Variants in HERC2 observed in about 807,000 individuals in gnomAD.
HERC2 encodes the protein HECT and RLD domain containing E3 ubiquitin protein ligase 2, also known as E3 ubiquitin-protein ligase HERC2.
In HERC2, 102 loss-of-function variants were observed where a neutral mutation model predicts 537.7. The ratio of observed to expected loss-of-function variants is 0.19; its 90% CI spans 0.16 to 0.22. HERC2 has a LOEUF of 0.22. Among genes scored for constraint, HERC2 ranks in the 10% least tolerant of loss-of-function variants. The pLI is 1.00. For missense variants in HERC2, 4,236 were observed against 6,198.2 expected, an observed-to-expected ratio of 0.68 and a Z score of 10.63; for synonymous variants, 2,224 against 2,466.2, an observed-to-expected ratio of 0.90 and a Z score of 2.91.
intron 48 of HERC2, 97 bp from the exon 49 acceptor site, chr15:28,198,866 G>A: frequency 8.4e-7 from 1 of 1,184,136 alleles, no homozygotes; most frequent in Non-Finnish European, 1.2e-6. Flanking sequence ...AAAGAATTCT[G>A]ACTGGGCATG....
intron 35 of HERC2, among the ~76,000 whole-genome samples, chr15:28,225,300 T>C (rs1053946396): frequency 1.3e-5 from 2 of 151,542 alleles, no homozygotes; most frequent in African/African-American, 2.4e-5. Context: ...AAGGAAACGA[T>C]AGAGATTAGA....
chr15:28,144,185 C>T lies in HERC2; in HGVS notation c.11191G>A (p.Asp3731Asn). ...AAGTCTAACAGACACGTCACCAAGT[C>T]CATGGATGGACAGGAGAGGACGCAG... ...DRCVLSCPSM[D>N]LVTCLLDFRL... The change falls in exon 73 of 93, where the codon GAC becomes AAC. Residue 3731 changes from aspartate (D) to asparagine (N), a missense_variant. Asp to Asn is a conservative substitution (Grantham distance 23, BLOSUM62 1). This residue lies in a region of HERC2 where 109 missense variants were observed against 133.5 expected (regional missense o/e 0.82). Coordinates refer to ENST00000261609, the MANE Select transcript of HERC2 (RefSeq NM_004667.6). The T allele has an allele frequency of 6.2e-7, 1 of 1,614,200 alleles. No homozygotes were observed. Among genetic ancestry groups the T allele is most frequent in the Non-Finnish European group, 8.5e-7 (1 of 1,180,046 alleles).
chr15:28,313,928 G>A (rs2141292173), intron 2 of HERC2, among the ~76,000 whole-genome samples: 1 of 152,256 alleles, frequency 6.6e-6, no homozygotes, highest in South Asian at 2.1e-4. Context: ...CCTCACACAG[G>A]AGAAAGAGGC....
chr15:28,242,952 T>C (rs540871035), intron 23 of HERC2, among the ~76,000 whole-genome samples: 3 of 152,158 alleles, frequency 2.0e-5, no homozygotes, highest in Non-Finnish European at 4.4e-5. Flanking sequence ...CATCATACTT[T>C]GTGTGTGAAA....
intron 68 of HERC2, among the ~76,000 whole-genome samples, chr15:28,165,278 C>T (rs569203792): frequency 6.6e-6 from 1 of 152,206 alleles, no homozygotes. Flanking sequence ...AAGGTGCCCA[C>T]CACGGAGTGG....
At chr15:28,119,313 T>C (rs1299129174) in intron 86 of HERC2, among the ~76,000 whole-genome samples, 2 of 149,492 alleles carry the variant, frequency 1.3e-5, no homozygotes, top group South Asian at 2.1e-4. Flanking sequence ...GGCAAGAGAA[T>C]TGCTTGAGCC....
Position 28,246,790 on chromosome 15 carries a change from A to AGCT in HERC2, c.3340_3342dup (p.Ser1114dup), listed in dbSNP as rs1903754151. 6.2e-7 allele frequency: 1 copy of AGCT among 1,608,570 alleles called. No homozygotes were observed. The highest frequency in any genetic ancestry group is 8.5e-7 in the Non-Finnish European group (1 of 1,177,616). ...TAAGCCACCTCCGCGAAGTGCCGCC[A>AGCT]GCTGGTAGAAGCAATGCTGGCGGCC... On this transcript the variant is annotated inframe_insertion, in exon 22 of 93. Transcript: ENST00000261609.
Position 28,176,667 on chromosome 15 carries a change from G to A in HERC2, c.9514+20C>T. On this transcript the variant is annotated intron_variant, in intron 62 of 92. Transcript: ENST00000261609. The surrounding 1 kb of genome is among the most constrained non-coding windows in gnomAD (Gnocchi z 5.0). ...TCATTCCTACCCACCCAGAAGCACA[G>A]AATCCTGCCAGCCACTCACCTTCAT... The A allele has an allele frequency of 6.2e-7, 1 of 1,613,910 alleles. No individual in the cohort carries two copies. The highest frequency in any genetic ancestry group is 8.5e-7 in the Non-Finnish European group (1 of 1,179,900).
rs867322849 is a variant in HERC2, at chr15:28,173,809, C to A, written c.10057+586G>T. 4.3e-3 allele frequency among the ~76,000 whole-genome samples: 613 copies of A among 141,180 alleles called. 7 individuals carry two copies. The highest frequency in any genetic ancestry group is 0.016 in the African/African-American group (580 of 37,242). 92.6% of individuals were successfully genotyped at this position (141,180 alleles called of 152,430 possible). ...CTGTCTACAAAAAAAAAAAAAAAAA[C>A]CCAACCAAACAACAACAATAACAAA... On this transcript the variant is annotated intron_variant, in intron 65 of 92. Transcript: ENST00000261609.
chr15:28,271,906 G>A, intron 9 of HERC2: 1 of 357,476 alleles, frequency 2.8e-6, no homozygotes, highest in Non-Finnish European at 5.0e-6. Context: ...GACGTGCCCT[G>A]CACAGAGCCC....
intron 2 of HERC2, among the ~76,000 whole-genome samples, chr15:28,305,832 GA>G (rs1342826764): frequency 6.7e-6 from 1 of 150,044 alleles, no homozygotes; most frequent in African/African-American, 2.4e-5. Flanking sequence ...AAATTTACAA[GA>G]AAAAAACAAA....
chr15:28,226,890 G>A (rs1901237190), intron 35 of HERC2, among the ~76,000 whole-genome samples: 1 of 152,240 alleles, frequency 6.6e-6, no homozygotes, highest in South Asian at 2.1e-4. Context: ...TAAAGAGTCT[G>A]AGGACTGGTG....
intron 4 of HERC2, among the ~76,000 whole-genome samples, chr15:28,283,153 G>T (rs981569024): frequency 4.7e-5 from 7 of 150,062 alleles, no homozygotes; most frequent in African/African-American, 1.7e-4. Context: ...TGTACTCTAC[G>T]AAGTGATGGC....
intron 78 of HERC2, among the ~76,000 whole-genome samples, chr15:28,140,960 G>A (rs575754897): frequency 8.6e-5 from 13 of 151,848 alleles, no homozygotes; most frequent in East Asian, 3.9e-4. Context: ...TAAATTGGCC[G>A]GGCGTGGTGG....
chr15:28,144,374 C>A, intron 72 of HERC2, 139 bp from the exon 73 acceptor site: 5 of 858,652 alleles, frequency 5.8e-6, no homozygotes, highest in South Asian at 1.7e-5. Flanking sequence ...CATGCCACTG[C>A]GAGTCGGTGA....
intron 29 of HERC2, 45 bp from the exon 30 acceptor site, chr15:28,233,386 C>A (rs771785301): frequency 7.9e-7 from 1 of 1,263,240 alleles, no homozygotes; most frequent in Non-Finnish European, 1.1e-6. Context: ...ACAAATATTT[C>A]AGCAACTGTC....
At chr15:28,300,755 A>G (rs1164689831) in intron 2 of HERC2, among the ~76,000 whole-genome samples, 3 of 124,686 alleles carry the variant, frequency 2.4e-5, no homozygotes, top group African/African-American at 3.3e-5. Flanking sequence ...CCCAGGAGGC[A>G]GAGGTTTCAG....
chr15:28,161,710 C>T (rs1014025586), intron 69 of HERC2, among the ~76,000 whole-genome samples: 12 of 152,294 alleles, frequency 7.9e-5, no homozygotes, highest in Admixed American at 4.6e-4. Flanking sequence ...CAGATGGCTC[C>T]GGTCCAGAAC....
chr15:28,211,687 A>C (rs1292719110), intron 43 of HERC2, among the ~76,000 whole-genome samples: 1 of 152,142 alleles, frequency 6.6e-6, no homozygotes, highest in Non-Finnish European at 1.5e-5. Context: ...CCACGATGGG[A>C]AACGGCAGCT....
Sources: gnomAD v4.1 joint callset for allele counts (sites outside exome capture counted in the v4.1 genomes callset) on GRCh38, gnomAD v4.1.1 for gene constraint, gnomAD v4.1.1 regional missense constraint, Gnocchi (gnomAD v3.1) non-coding constraint, MANE v1.5 for transcripts, NCBI Gene and HGNC (gene_info 2026-07-23, HGNC 2026-07-21) for gene names.